HSD17B4: variants seen among roughly 807,000 people sequenced by gnomAD.
HSD17B4 encodes the protein hydroxysteroid 17-beta dehydrogenase 4, also known as peroxisomal multifunctional enzyme type 2.
HSD17B4 carries 70 observed loss-of-function variants against 101.0 expected under a neutral mutation model. The ratio of observed to expected loss-of-function variants is 0.69; its 90% CI spans 0.57 to 0.85. The LOEUF (loss-of-function observed/expected upper bound fraction) is 0.85. Ranked by LOEUF, HSD17B4 falls within the 40% of genes least tolerant of loss-of-function variation. The probability of loss-of-function intolerance (pLI) is 0.00; values close to 1 mark genes in which losing one functional copy is unlikely to be tolerated. For synonymous variants in HSD17B4, 347 were observed against 297.1 expected, an observed-to-expected ratio of 1.17 and a Z score of -1.73; for missense variants, 984 against 892.4, an observed-to-expected ratio of 1.10 and a Z score of -1.31.
intron 2 of HSD17B4, among the ~76,000 whole-genome samples, chr5:119,463,570 G>T (rs563004154): frequency 7.6e-6 from 1 of 131,440 alleles, no homozygotes; most frequent in Non-Finnish European, 1.6e-5. Context: ...AACTTGAAAT[G>T]ATCTCATTGT....
At chr5:119,503,098 G>A (rs1249961145) in intron 14 of HSD17B4, among the ~76,000 whole-genome samples, 4 of 151,612 alleles carry the variant, frequency 2.6e-5, no homozygotes, top group Non-Finnish European at 5.9e-5. Flanking sequence ...GTGTGTGTGT[G>A]TGTGTGTGTG....
At chr5:119,534,927 T>C (rs186871272) in intron 22 of HSD17B4, among the ~76,000 whole-genome samples, 1 of 151,954 alleles carries the variant, frequency 6.6e-6, no homozygotes, top group East Asian at 1.9e-4. Context: ...TGACTTTCCA[T>C]CTTCTCTGTG....
At chr5:119,467,784 C>T (rs1357631536) in intron 2 of HSD17B4, among the ~76,000 whole-genome samples, 1 of 152,136 alleles carries the variant, frequency 6.6e-6, no homozygotes, top group Non-Finnish European at 1.5e-5. Context: ...TGAGTAGGCA[C>T]AGATTTTGAT....
At chr5:119,507,778 T>A (rs1164728875) in intron 15 of HSD17B4, among the ~76,000 whole-genome samples, 3 of 142,328 alleles carry the variant, frequency 2.1e-5, no homozygotes, top group Non-Finnish European at 3.0e-5. Flanking sequence ...AGCAAGACTC[T>A]GTACCAAAAA....
chr5:119,480,407 A>G (rs866875410), intron 8 of HSD17B4, among the ~76,000 whole-genome samples: 14 of 152,266 alleles, frequency 9.2e-5, no homozygotes, highest in African/African-American at 3.1e-4. Flanking sequence ...TGTCCAGGGG[A>G]GACATCACAC....
rs763121959 is a variant in HSD17B4 at position 119,493,860 on chromosome 5, A to C, written c.782A>C (p.Asn261Thr). The C allele has an allele frequency of 9.9e-6, 16 of 1,613,116 alleles. No individual in the cohort carries two copies. The Admixed American group carries it at 2.7e-4, about 27-fold the overall frequency. Reference sequence around the variant, plus strand: ...CTTGGAGCTATTGTAAGACAAAAGAATCACCCAATGACTCCTGAGGCAGTC... The same window carrying C: ...CTTGGAGCTATTGTAAGACAAAAGACTCACCCAATGACTCCTGAGGCAGTC... ...RTLGAIVRQK[N>T]HPMTPEAVKA... is the part of the protein sequence containing the mutation. The change falls in exon 11 of 24, where the codon AAT (asparagine) becomes ACT (threonine). Residue 261 changes from asparagine to threonine, a missense_variant. Asn to Thr is a moderately conservative substitution (Grantham distance 65, BLOSUM62 0). Transcript: ENST00000510025.
chr5:119,454,038 T>TA (rs1240675090), intron 1 of HSD17B4, among the ~76,000 whole-genome samples: 1 of 152,216 alleles, frequency 6.6e-6, no homozygotes, highest in Non-Finnish European at 1.5e-5. Context: ...TTAGCATACT[T>TA]ACACATGGTA....
rs1054681866 is a variant in HSD17B4, at chr5:119,496,656, A to G, written c.972+10A>G. On this transcript the variant is annotated intron_variant, in intron 12 of 23. Coordinates refer to ENST00000510025, the MANE Select transcript of HSD17B4 (RefSeq NM_000414.4). ...AGCAACATCAGGATTTGTAAGTGGG[A>G]AAAAAGCCTAAAGCGTTTGCCTTCT... 3 of 1,457,142 alleles carry G rather than the reference A, an allele frequency of 2.1e-6. No individual in the cohort carries two copies. The highest frequency in any genetic ancestry group is 2.8e-5 in the African/African-American group (2 of 71,844). The allele number at this position is 1,457,142 out of a possible 1,614,324, so 90.3% of individuals were successfully genotyped here.
intron 11 of HSD17B4, among the ~76,000 whole-genome samples, chr5:119,494,875 A>ATTT (rs1196090089): frequency 6.6e-6 from 1 of 152,082 alleles, no homozygotes; most frequent in Admixed American, 6.6e-5. Flanking sequence ...AAGTCAGATT[A>ATTT]TTTTTTTCTA....
chr5:119,494,330 TTTCTTTC>T, intron 11 of HSD17B4, among the ~76,000 whole-genome samples: 1 of 76,158 alleles, frequency 1.3e-5, no homozygotes, highest in Non-Finnish European at 2.7e-5. Context: ...CTTTCTTTTC[TTTCTTTC>T]TTTCTTTCTT....
At chr5:119,478,706 A>G in intron 7 of HSD17B4, 128 bp from the exon 8 acceptor site, 2 of 663,686 alleles carry the variant, frequency 3.0e-6, no homozygotes, top group Non-Finnish European at 5.4e-6. Flanking sequence ...ATAAATCATG[A>G]TCGTAAGAAG....
intron 22 of HSD17B4, among the ~76,000 whole-genome samples, chr5:119,532,975 C>T (rs1409353500): frequency 6.6e-6 from 1 of 152,044 alleles, no homozygotes; most frequent in Non-Finnish European, 1.5e-5. Flanking sequence ...AAGTAATATG[C>T]ACGTTTATAG....
chr5:119,476,640 G>C (rs1456606615), intron 6 of HSD17B4: 1 of 985,102 alleles, frequency 1.0e-6, no homozygotes, highest in Non-Finnish European at 1.2e-6. Context: ...TAACAACTGG[G>C]GTAAAAAAGA....
chr5:119,458,317 G>A (rs528026743), intron 2 of HSD17B4, among the ~76,000 whole-genome samples: 3 of 151,520 alleles, frequency 2.0e-5, no homozygotes, highest in South Asian at 4.2e-4. Flanking sequence ...CATAGACACC[G>A]TGTTTCCAAG....
intron 3 of HSD17B4, among the ~76,000 whole-genome samples, 181 bp downstream of exon 3, chr5:119,474,196 A>G (rs1039725885): frequency 1.3e-5 from 2 of 152,296 alleles, no homozygotes; most frequent in Non-Finnish European, 2.9e-5. Context: ...GATGTAGACT[A>G]TTTCATGATT....
intron 11 of HSD17B4, among the ~76,000 whole-genome samples, chr5:119,494,161 T>A (rs948094428): frequency 6.6e-6 from 1 of 152,164 alleles, no homozygotes; most frequent in Non-Finnish European, 1.5e-5. Context: ...ATAATCCTGT[T>A]TTTTGGGTTT....
At chr5:119,459,971 C>T (rs977475592) in intron 2 of HSD17B4, among the ~76,000 whole-genome samples, 2 of 151,466 alleles carry the variant, frequency 1.3e-5, no homozygotes, top group African/African-American at 4.9e-5. Context: ...CCCGGGTTCA[C>T]GCCATTCTCC....
chr5:119,537,721 C>T (rs1417705585), intron 23 of HSD17B4, among the ~76,000 whole-genome samples: 1 of 152,118 alleles, frequency 6.6e-6, no homozygotes, highest in African/African-American at 2.4e-5. Context: ...TGCAGCTCTT[C>T]AGCTTTGCCA....
At chr5:119,465,552 A>G (rs775397840) in intron 2 of HSD17B4, among the ~76,000 whole-genome samples, 4 of 152,198 alleles carry the variant, frequency 2.6e-5, no homozygotes, top group Admixed American at 6.5e-5. Flanking sequence ...CCACAGAGCT[A>G]TGTTCCAATT....
Sources: allele counts gnomAD v4.1 joint callset (sites outside exome capture counted in the v4.1 genomes callset), GRCh38; gene constraint gnomAD v4.1.1; transcripts MANE v1.5; gene names NCBI Gene and HGNC (gene_info 2026-07-23, HGNC 2026-07-21).